MYO1H: variants seen among roughly 807,000 people sequenced by gnomAD.
MYO1H encodes the protein myosin IH, also known as unconventional myosin-Ih.
In MYO1H, 118 loss-of-function variants were observed where a neutral mutation model predicts 149.3. The observed-to-expected ratio is 0.79, with a 90% CI of 0.68 to 0.92. MYO1H has a LOEUF of 0.92. Among genes scored for constraint, MYO1H ranks in the 40% least tolerant of loss-of-function variants. MYO1H has a pLI of 0.00. For missense variants in MYO1H, 1,212 were observed against 1,280.7 expected, an observed-to-expected ratio of 0.95 and a Z score of 0.82; for synonymous variants, 447 against 465.2, an observed-to-expected ratio of 0.96 and a Z score of 0.50.
rs1184518266 is a variant in MYO1H, at chr12:109,354,884, A to G, written c.12+6912A>G. 2.0e-5 allele frequency among the ~76,000 whole-genome samples: 3 copies of G among 152,188 alleles called. No individual in the cohort carries two copies. The South Asian group carries it at 6.2e-4, about 31-fold the overall frequency. ...GTCTGCCTAGCCTTTACTTTTACAC[A>G]TTTGAGATTAGACCTTTTTGGCCCA... On this transcript the variant is annotated intron_variant, in intron 1 of 31. Transcript: ENST00000310903.
intron 2 of MYO1H, among the ~76,000 whole-genome samples, chr12:109,392,801 TTTTA>T (rs887607438): frequency 2.0e-4 from 31 of 151,934 alleles, no homozygotes; most frequent in African/African-American, 6.5e-4. Flanking sequence ...ATACCTTTCT[TTTTA>T]TTTATTTATT....
chr12:109,393,610 CCTAT>C (rs1333370313), intron 3 of MYO1H, among the ~76,000 whole-genome samples, 164 bp downstream of exon 3: 1 of 151,414 alleles, frequency 6.6e-6, no homozygotes, highest in African/African-American at 2.4e-5. Flanking sequence ...TATCCATCCA[CCTAT>C]CTATCCATCC....
upstream of MYO1H, among the ~76,000 whole-genome samples, chr12:109,345,066 A>G (rs567619894): frequency 2.0e-3 from 310 of 152,246 alleles, 1 homozygote; most frequent in Non-Finnish European, 3.4e-3. Flanking sequence ...CATTATACTT[A>G]AAACACAAGA....
At chr12:109,332,370 C>T in the MYO1H span, among the ~76,000 whole-genome samples, 17 of 152,114 alleles carry the variant, frequency 1.1e-4, 1 homozygote, top group Admixed American at 9.8e-4. Context: ...TGTTTCATCC[C>T]GGGCTTGTGG....
chr12:109,398,716 G>A lies in MYO1H; in HGVS notation c.570+904G>A, dbSNP rs1418893827. 1.0e-3 allele frequency among the ~76,000 whole-genome samples: 150 copies of A among 143,544 alleles called. 3 individuals are homozygous for A. Among genetic ancestry groups the A allele is most frequent in the Admixed American group, 2.2e-4 (3 of 13,456 alleles). The allele number at this position is 143,544 out of a possible 152,430, so 94.2% of individuals were successfully genotyped here. The stretch of plus-strand genomic sequence containing the variant: ...AGTTGGCACCACTGCACTCCAGCCC[G>A]GGCAACAAGAGCGAAACTTCCTCTC... On this transcript the variant is annotated intron_variant, in intron 5 of 31. Coordinates refer to ENST00000310903, the Ensembl canonical transcript of MYO1H.
intron 16 of MYO1H, among the ~76,000 whole-genome samples, chr12:109,422,588 C>T (rs1204470116): frequency 5.3e-5 from 8 of 152,172 alleles, no homozygotes; most frequent in East Asian, 1.9e-4. Context: ...AACCAATCCA[C>T]GGAGAGGACA....
intron 1 of MYO1H, among the ~76,000 whole-genome samples, chr12:109,357,870 T>A (rs1017491599): frequency 6.6e-6 from 1 of 151,650 alleles, no homozygotes; most frequent in African/African-American, 2.4e-5. Context: ...CCATTTCTCA[T>A]GCCATGAAAT....
Position 109,401,125 on chromosome 12 carries a change from C to A in MYO1H, c.603C>A (p.Tyr201Ter), listed in dbSNP as rs747229593. The A allele has an allele frequency of 3.7e-6, 6 of 1,613,968 alleles. No individual in the cohort carries two copies. The highest frequency in any genetic ancestry group is 5.1e-6 in the Non-Finnish European group (6 of 1,179,874). The change falls in exon 6 of 32, where the codon TAC (tyrosine) becomes TAA (stop). Residue 201 changes from tyrosine (Y) to a stop codon, truncating the protein, a stop_gained. Coordinates refer to ENST00000310903, the Ensembl canonical transcript of MYO1H. LOFTEE classifies it high-confidence loss of function. ...CCGTAGGTGGGCATATCATCAGTTACTTGATAGAGAAGTCCCGAGTTGTCT... is the reference window on the plus strand; with the variant it reads ...CCGTAGGTGGGCATATCATCAGTTAATTGATAGAGAAGTCCCGAGTTGTCT...
chr12:109,351,559 T>C (rs993869808), intron 1 of MYO1H, among the ~76,000 whole-genome samples: 3 of 152,236 alleles, frequency 2.0e-5, no homozygotes, highest in Non-Finnish European at 4.4e-5. Context: ...AATTGCGTTA[T>C]ATTTCTAAAG....
At chr12:109,377,224 T>A (rs1592783557) in intron 1 of MYO1H, among the ~76,000 whole-genome samples, 2 of 152,332 alleles carry the variant, frequency 1.3e-5, no homozygotes, top group South Asian at 4.1e-4. Context: ...GCTGAATAGT[T>A]TATAAAGAAA....
At chr12:109,434,500 A>G (rs889972163) in intron 20 of MYO1H, among the ~76,000 whole-genome samples, 9 of 152,192 alleles carry the variant, frequency 5.9e-5, no homozygotes, top group Non-Finnish European at 8.8e-5. Context: ...TTTCAAAACA[A>G]AAACAAAAAA....
At chr12:109,390,950 C>T (rs978220815) in intron 2 of MYO1H, among the ~76,000 whole-genome samples, 33 of 152,100 alleles carry the variant, frequency 2.2e-4, no homozygotes, top group African/African-American at 6.8e-4. Flanking sequence ...TTACTGTGCC[C>T]GGCCCACCCA....
At chr12:109,397,028 A>G (rs1869947032) in intron 4 of MYO1H, among the ~76,000 whole-genome samples, 1 of 151,514 alleles carries the variant, frequency 6.6e-6, no homozygotes, top group Non-Finnish European at 1.5e-5. Flanking sequence ...GGGTTTCGCC[A>G]TGTTGGCCAG....
intron 15 of MYO1H, 104 bp downstream of exon 15, chr12:109,415,724 C>A (rs1244986636): frequency 1.4e-6 from 1 of 697,086 alleles, no homozygotes. Flanking sequence ...CCATCCCAAA[C>A]GTTCCCTAAC....
intron 22 of MYO1H, among the ~76,000 whole-genome samples, chr12:109,437,274 T>C (rs1221024615): frequency 6.6e-6 from 1 of 152,154 alleles, no homozygotes; most frequent in Non-Finnish European, 1.5e-5. Flanking sequence ...ATCATTCTCT[T>C]GTTTTTCTTC....
Position 109,442,795 on chromosome 12 carries a change from C to CTGCCTTTTTTT in MYO1H, c.2688+524_2688+525insGCCTTTTTTTT, listed in dbSNP as rs1165995755. Among the ~76,000 whole-genome samples the CTGCCTTTTTTT allele has an allele frequency of 2.2e-4, 21 of 94,018 alleles. 1 individual carries two copies. In the East Asian group the frequency reaches 3.8e-3, roughly 17 times the overall value. The allele number at this position is 94,018 out of a possible 152,430, so 61.7% of individuals were successfully genotyped here. On this transcript the variant is annotated intron_variant, in intron 27 of 31. Coordinates refer to ENST00000310903, the Ensembl canonical transcript of MYO1H. The stretch of plus-strand genomic sequence containing the variant: ...GTGATCGTGTGTGCCAGTGTCTGCT[C>CTGCCTTTTTTT]TTTTTTTTTTTTTTTTTTTTTTTGT...
At chr12:109,438,723 C>A in intron 23 of MYO1H, 103 bp downstream of exon 23, 3 of 891,358 alleles carry the variant, frequency 3.4e-6, no homozygotes, top group Non-Finnish European at 5.2e-6. Context: ...TTGATTTGTG[C>A]AGAAAGGAAA....
At chr12:109,415,165 G>A (rs1421861771) in intron 14 of MYO1H, among the ~76,000 whole-genome samples, 1 of 152,100 alleles carries the variant, frequency 6.6e-6, no homozygotes, top group African/African-American at 2.4e-5. Flanking sequence ...GTGCCATTTT[G>A]TCTCAGTGAA....
At chr12:109,416,215 C>T (rs912649024) in intron 15 of MYO1H, among the ~76,000 whole-genome samples, 1 of 152,076 alleles carries the variant, frequency 6.6e-6, no homozygotes, top group Non-Finnish European at 1.5e-5. Flanking sequence ...AGCCACCATG[C>T]CTGGCTACCA....
Sources: gnomAD v4.1 joint callset for allele counts (sites outside exome capture counted in the v4.1 genomes callset) on GRCh38, gnomAD v4.1.1 for gene constraint, MANE v1.5 for transcripts, NCBI Gene and HGNC (gene_info 2026-07-23, HGNC 2026-07-21) for gene names.